FAM216A: variants seen among roughly 807,000 people sequenced by gnomAD.
FAM216A encodes the protein family with sequence similarity 216 member A, also known as protein FAM216A.
In FAM216A, 26 loss-of-function variants were observed where a neutral mutation model predicts 37.6. That is an observed-to-expected ratio of 0.69 (90% CI 0.51 to 0.96). The LOEUF (loss-of-function observed/expected upper bound fraction) is 0.96. Among genes scored for constraint, FAM216A ranks in the 40% least tolerant of loss-of-function variants. The pLI, the probability that FAM216A is intolerant of heterozygous loss-of-function variation, is 0.00. For missense variants in FAM216A, 326 were observed against 339.3 expected, an observed-to-expected ratio of 0.96 and a Z score of 0.31; for synonymous variants, 110 against 121.7, an observed-to-expected ratio of 0.90 and a Z score of 0.64.
At chr12:110,480,558 T>C (rs925024823) in intron 2 of FAM216A, among the ~76,000 whole-genome samples, 5 of 151,394 alleles carry the variant, frequency 3.3e-5, no homozygotes, top group African/African-American at 1.2e-4. Context: ...TCAAGTGATC[T>C]GCCCGCCTCA....
At position 110,480,552 on chromosome 12, in the gene FAM216A, G is replaced by A. The variant is rs1463439544; in HGVS notation, c.185-4526G>A. ...GCTGGTCTCAAACTCCTGGACTCAA[G>A]TGATCTGCCCGCCTCAGCCTCCCAA... On this transcript the variant is annotated intron_variant, in intron 2 of 6. Coordinates refer to ENST00000377673, the MANE Select transcript of FAM216A (RefSeq NM_013300.3). 2.0e-5 allele frequency among the ~76,000 whole-genome samples: 3 copies of A among 151,838 alleles called. No homozygotes were observed. The East Asian group carries it at 5.8e-4, about 30-fold the overall frequency.
chr12:110,468,866 C>G lies in FAM216A; in HGVS notation c.-10C>G. 1 of 1,496,486 alleles carries G rather than the reference C, an allele frequency of 6.7e-7. No homozygotes were observed. The highest frequency in any genetic ancestry group is 2.5e-5 in the East Asian group (1 of 40,222). The allele number at this position is 1,496,486 out of a possible 1,614,324, so 92.7% of individuals were successfully genotyped here. On this transcript the variant is annotated 5_prime_UTR_variant, in exon 1 of 7. Transcript: ENST00000377673. ...CAGCAGCCTGACGCACGCGTGCTGT[C>G]GGGGGAGGGATGCTGGGACAGCTGC... is the stretch of plus-strand genomic sequence containing the variant.
At chr12:110,475,434 G>A (rs896917217) in intron 2 of FAM216A, among the ~76,000 whole-genome samples, 1 of 152,030 alleles carries the variant, frequency 6.6e-6, no homozygotes, top group African/African-American at 2.4e-5. Flanking sequence ...TGGAGACGGG[G>A]TTTCACCATG....
chr12:110,479,120 C>T (rs1015912354), intron 2 of FAM216A, among the ~76,000 whole-genome samples: 2 of 149,178 alleles, frequency 1.3e-5, no homozygotes, highest in African/African-American at 2.5e-5. Flanking sequence ...ACCTGGGAGG[C>T]GGAGCTTGCA....
At chr12:110,479,738 T>C (rs756761413) in intron 2 of FAM216A, among the ~76,000 whole-genome samples, 1 of 151,634 alleles carries the variant, frequency 6.6e-6, no homozygotes, top group Non-Finnish European at 1.5e-5. Context: ...CTTGGGAGAC[T>C]GAGGCAGGAG....
chr12:110,469,203 C>A, intron 1 of FAM216A, 185 bp downstream of exon 1: 1 of 653,408 alleles, frequency 1.5e-6, no homozygotes, highest in Non-Finnish European at 2.3e-6. Context: ...GGAGGACTGC[C>A]TCGCGGTTGA....
Position 110,485,079 on chromosome 12 carries a change from T to G in FAM216A, c.186T>G (p.Asp62Glu). Residue 62 changes from aspartate (D) to glutamate (E), a missense_variant and splice_region_variant, in exon 3 of 7, where the codon GAT becomes GAG. By Grantham distance (45) the Asp-to-Glu change is conservative. Transcript: ENST00000377673. ...YSCYQNSKGS[D>E]RIKDGYKVNS... ...TTCACATGATGTCTTTGCCTACAGA[T>G]AGAATCAAAGATGGATACAAAGTGA... 1 of 1,602,826 alleles carries G rather than the reference T, an allele frequency of 6.2e-7. No homozygotes were observed. Among genetic ancestry groups the G allele is most frequent in the South Asian group, 1.1e-5 (1 of 88,740 alleles).
At chr12:110,486,844 C>T in intron 5 of FAM216A, 127 bp downstream of exon 5, 2 of 831,958 alleles carry the variant, frequency 2.4e-6, no homozygotes. Context: ...TATTCTCAAA[C>T]TCCTGGGCTC....
chr12:110,489,921 T>C (rs2062802299), intron 6 of FAM216A, 98 bp from the exon 7 acceptor site: 3 of 632,964 alleles, frequency 4.7e-6, no homozygotes, highest in Admixed American at 5.6e-5. Flanking sequence ...GCAATTTGTC[T>C]TTACTACAGG....
chr12:110,486,064 T>G (rs1414443032), intron 3 of FAM216A, among the ~76,000 whole-genome samples: 3 of 152,298 alleles, frequency 2.0e-5, no homozygotes, highest in African/African-American at 7.2e-5. Flanking sequence ...AACAGCAGAT[T>G]CGCTCTTTCC....
chr12:110,470,494 TTGAGACAGAGTCTCCCTC>T (rs2062679648), intron 1 of FAM216A, among the ~76,000 whole-genome samples: 1 of 145,812 alleles, frequency 6.9e-6, no homozygotes, highest in Non-Finnish European at 1.5e-5. Flanking sequence ...TTTTTTTTTA[TTGAGACAGAGTCTCCCTC>T]TGTCACCCAG....
chr12:110,483,580 T>C (rs1239533759), intron 2 of FAM216A, among the ~76,000 whole-genome samples: 3 of 152,200 alleles, frequency 2.0e-5, no homozygotes, highest in Admixed American at 6.5e-5. Flanking sequence ...TCCCAGCACT[T>C]TGGGAGGCCA....
chr12:110,490,361 C>A lies in FAM216A; in HGVS notation c.*224C>A, dbSNP rs2062805199. 2.2e-6 allele frequency: 1 copy of A among 455,518 alleles called. No homozygotes were observed. Among genetic ancestry groups the A allele is most frequent in the Non-Finnish European group, 3.9e-6 (1 of 256,438 alleles). 28.2% of individuals were successfully genotyped at this position (455,518 alleles called of 1,614,324 possible). A position where few individuals can be genotyped will look rare whatever the true frequency, so the allele number is the denominator to read the frequency against. On this transcript the variant is annotated 3_prime_UTR_variant, in exon 7 of 7. Transcript: ENST00000377673. ...ATATACTTGTACTTCTAGCTAGATA[C>A]AATTAAAACTTTTCTTGCATTCAAT...
At chr12:110,483,022 A>C (rs1270686237) in intron 2 of FAM216A, among the ~76,000 whole-genome samples, 1 of 151,736 alleles carries the variant, frequency 6.6e-6, no homozygotes, top group African/African-American at 2.4e-5. Context: ...GGGATGTATT[A>C]TTATAAAAAG....
intron 2 of FAM216A, among the ~76,000 whole-genome samples, chr12:110,481,752 C>G (rs2062748131): frequency 6.6e-6 from 1 of 152,050 alleles, no homozygotes; most frequent in Non-Finnish European, 1.5e-5. Flanking sequence ...TAATATGCAT[C>G]TCAGAAATAT....
chr12:110,472,556 C>T (rs781432450), intron 1 of FAM216A, among the ~76,000 whole-genome samples: 2 of 151,630 alleles, frequency 1.3e-5, no homozygotes, highest in African/African-American at 4.9e-5. Context: ...GAGACCCCAT[C>T]TCTAAAAAAG....
Position 110,490,108 on chromosome 12 carries a change from G to C in FAM216A, c.793G>C (p.Glu265Gln). Residue 265 changes from glutamate to glutamine, a missense_variant, in exon 7 of 7, where the codon GAA becomes CAA. Physicochemically the swap from Glu to Gln is conservative, Grantham distance 29. Coordinates refer to ENST00000377673, the MANE Select transcript of FAM216A (RefSeq NM_013300.3). Reference protein sequence around the residue: ...NNFMQSMSIEEQGEHLMLT With the variant: ...NNFMQSMSIEQQGEHLMLT The stretch of plus-strand genomic sequence containing the variant: ...TTTTATGCAATCAATGTCAATTGAA[G>C]AACAGGGAGAACATCTGATGTTAAC... 1 of 1,554,392 alleles carries C rather than the reference G, an allele frequency of 6.4e-7. No homozygotes were observed. The highest frequency in any genetic ancestry group is 8.9e-7 in the Non-Finnish European group (1 of 1,125,664).
intron 1 of FAM216A, among the ~76,000 whole-genome samples, chr12:110,470,762 A>G (rs2062682107): frequency 6.6e-6 from 1 of 151,968 alleles, no homozygotes; most frequent in Admixed American, 6.6e-5. Flanking sequence ...CTTTCCTTTT[A>G]TCTCCGCCTG....
intron 6 of FAM216A, 35 bp from the exon 7 acceptor site, chr12:110,489,984 A>C: frequency 9.6e-7 from 1 of 1,040,938 alleles, no homozygotes; most frequent in Non-Finnish European, 1.5e-6. Flanking sequence ...TTTATTTCCA[A>C]AACAGACAAT....
Sources: allele counts gnomAD v4.1 joint callset (sites outside exome capture counted in the v4.1 genomes callset), GRCh38; gene constraint gnomAD v4.1.1; transcripts MANE v1.5; gene names NCBI Gene and HGNC (gene_info 2026-07-23, HGNC 2026-07-21).